The following CALCR variants were observed in gnomAD, a reference collection of about 807,000 sequenced individuals.
The protein encoded by CALCR is calcitonin receptor.
CALCR carries 47 observed loss-of-function variants against 59.5 expected under a neutral mutation model. The ratio of observed to expected loss-of-function variants is 0.79; its 90% CI spans 0.63 to 1.01. The LOEUF (loss-of-function observed/expected upper bound fraction) is 1.01, where lower values mean the gene tolerates loss of function less well. Among genes scored for constraint, CALCR ranks in the 50% least tolerant of loss-of-function variants. CALCR has a pLI of 0.00. For synonymous variants in CALCR, 213 were observed against 211.3 expected, an observed-to-expected ratio of 1.01 and a Z score of -0.07; for missense variants, 566 against 597.1, an observed-to-expected ratio of 0.95 and a Z score of 0.54.
intron 2 of CALCR, among the ~76,000 whole-genome samples, chr7:93,531,820 C>G (rs1788847861): frequency 6.6e-6 from 1 of 151,900 alleles, no homozygotes; most frequent in South Asian, 2.1e-4. Context: ...AAATCTTAAT[C>G]AAAATTCAAT....
At chr7:93,543,478 C>T (rs1273458604) in intron 2 of CALCR, among the ~76,000 whole-genome samples, 4 of 151,998 alleles carry the variant, frequency 2.6e-5, no homozygotes, top group Non-Finnish European at 5.9e-5. Flanking sequence ...ACTGGCAGTG[C>T]AGTAGGTTCA....
intron 11 of CALCR, 25 bp from the exon 12 acceptor site, chr7:93,436,195 A>C: frequency 6.4e-7 from 1 of 1,571,380 alleles, no homozygotes; most frequent in Non-Finnish European, 8.8e-7. Context: ...TGTTATGAGC[A>C]AATCATACAG....
intron 8 of CALCR, among the ~76,000 whole-genome samples, chr7:93,455,354 T>C (rs1284883094): frequency 6.6e-6 from 1 of 151,978 alleles, no homozygotes; most frequent in Non-Finnish European, 1.5e-5. Context: ...TATTTGTAGG[T>C]TGACAATGTT....
At chr7:93,478,458 T>C (rs74846928) in intron 4 of CALCR, among the ~76,000 whole-genome samples, 4,077 of 151,678 alleles carry the variant, frequency 0.027, 185 homozygotes, top group African/African-American at 0.091. Flanking sequence ...TCCTAGCACT[T>C]TGGGAACCTC....
At position 93,439,321 on chromosome 7, in the gene CALCR, C is replaced by T. The variant is rs572738640; in HGVS notation, c.803-1051G>A. 2.6e-5 allele frequency among the ~76,000 whole-genome samples: 4 copies of T among 152,260 alleles called. No homozygotes were observed. In the South Asian group the frequency reaches 6.2e-4, roughly 24 times the overall value. On this transcript the variant is annotated intron_variant, in intron 9 of 13. Transcript: ENST00000426151. The stretch of plus-strand genomic sequence containing the variant: ...TGAAATAATTTTGAGTTTGCTTATA[C>T]AAAACATGATTGTGTTATTCACAGC...
Position 93,426,526 on chromosome 7 carries a change from T to A in CALCR, c.1255A>T (p.Arg419Trp). ...FKIQWNQRWG[R>W]RPSNRSARAA... is the part of the protein sequence containing the mutation. ...CGAGCAGAGCGGTTGGAGGGGCGCC[T>A]CCCCCAACGCTGGTTCCACTGAATT... Residue 419 changes from arginine to tryptophan, a missense_variant, in exon 14 of 14, where the codon AGG becomes TGG. Physicochemically the swap from Arg to Trp is moderately radical, Grantham distance 101. Coordinates refer to ENST00000426151, the MANE Select transcript of CALCR (RefSeq NM_001742.4). The A allele has an allele frequency of 6.2e-7, 1 of 1,613,116 alleles. No homozygotes were observed.
At chr7:93,553,584 A>T (rs944231538) in intron 2 of CALCR, among the ~76,000 whole-genome samples, 1 of 152,074 alleles carries the variant, frequency 6.6e-6, no homozygotes, top group Non-Finnish European at 1.5e-5. Flanking sequence ...AGCTCTGCTC[A>T]TTATTAGCTG....
intron 2 of CALCR, among the ~76,000 whole-genome samples, chr7:93,514,340 C>T (rs1343132840): frequency 6.6e-6 from 1 of 151,928 alleles, no homozygotes; most frequent in Non-Finnish European, 1.5e-5. Flanking sequence ...TATTTAGAGT[C>T]TTTAAACATT....
At chr7:93,427,598 C>T (rs575652653) in intron 13 of CALCR, among the ~76,000 whole-genome samples, 123 of 152,222 alleles carry the variant, frequency 8.1e-4, no homozygotes, top group Non-Finnish European at 1.4e-3. Flanking sequence ...ATAATGTGAA[C>T]TAAATCATGT....
At chr7:93,517,611 C>G (rs976225951) in intron 2 of CALCR, among the ~76,000 whole-genome samples, 1 of 151,810 alleles carries the variant, frequency 6.6e-6, no homozygotes, top group Admixed American at 6.6e-5. Context: ...AAAAACAAAA[C>G]TTTAATTATT....
At chr7:93,467,488 C>T (rs1800464097) in intron 7 of CALCR, among the ~76,000 whole-genome samples, 2 of 151,586 alleles carry the variant, frequency 1.3e-5, no homozygotes, top group Admixed American at 6.6e-5. Context: ...TGATTATTCT[C>T]CCCTTGGTTT....
chr7:93,475,140 G>A (rs1800640597), intron 5 of CALCR, among the ~76,000 whole-genome samples: 1 of 151,684 alleles, frequency 6.6e-6, no homozygotes, highest in Non-Finnish European at 1.5e-5. Flanking sequence ...GACCAAAACA[G>A]GTCTTATTGA....
chr7:93,472,577 A>G (rs1048612152), intron 5 of CALCR, 90 bp from the exon 6 acceptor site: 1 of 749,142 alleles, frequency 1.3e-6, no homozygotes, highest in Admixed American at 2.1e-5. Context: ...CCATTCCAAC[A>G]TATTAATCAC....
chr7:93,527,661 CCA>C (rs1788704806), intron 2 of CALCR, among the ~76,000 whole-genome samples: 1 of 151,960 alleles, frequency 6.6e-6, no homozygotes, highest in Non-Finnish European at 1.5e-5. Context: ...TAAATTTTGC[CCA>C]CTTCAAAATG....
In CALCR at chr7:93,424,955, A is replaced by ACTT. The variant is rs1799492532; in HGVS notation, c.*1398_*1400dup. On this transcript the variant is annotated 3_prime_UTR_variant, in exon 14 of 14. Transcript: ENST00000426151. Reference sequence around the variant, plus strand: ...TTTATTATCTTTCCACAACTAAATCACTTCTGAAAGGCAGTGGCAAAATAT... The same window carrying ACTT: ...TTTATTATCTTTCCACAACTAAATCACTTCTTCTGAAAGGCAGTGGCAAAATAT... The ACTT allele has an allele frequency of 6.6e-6, 1 of 152,598 alleles. No individual in the cohort carries two copies. The highest frequency in any genetic ancestry group is 2.1e-4 in the South Asian group (1 of 4,832). 9.5% of individuals were successfully genotyped at this position (152,598 alleles called of 1,614,324 possible).
intron 8 of CALCR, among the ~76,000 whole-genome samples, chr7:93,447,418 G>A (rs1438858511): frequency 2.0e-5 from 3 of 151,988 alleles, no homozygotes; most frequent in Non-Finnish European, 4.4e-5. Flanking sequence ...AGCAAAGAGT[G>A]CCTCCAAATG....
intron 3 of CALCR, chr7:93,484,053 G>GT (rs746957293): frequency 2.8e-5 from 14 of 492,532 alleles, no homozygotes; most frequent in East Asian, 5.8e-5. Context: ...AACATCATCA[G>GT]TTTTTTTCAG....
At chr7:93,569,136 T>C (rs1347316745) in intron 2 of CALCR, among the ~76,000 whole-genome samples, 1 of 151,950 alleles carries the variant, frequency 6.6e-6, no homozygotes, top group Non-Finnish European at 1.5e-5. Flanking sequence ...CCTCTGTCAC[T>C]GCAGTAAGGC....
At position 93,478,636 on chromosome 7, in the gene CALCR, A is replaced by AATAT. The variant is rs10543619; in HGVS notation, c.205+714_205+717dup. On this transcript the variant is annotated intron_variant, in intron 4 of 13. Transcript: ENST00000426151. ...GGCGAGAGAGTGAGACCCTGTCTTA[A>AATAT]ATATATATATATATATATATATATA... 8.1e-3 allele frequency among the ~76,000 whole-genome samples: 1,194 copies of AATAT among 147,548 alleles called. 47 individuals are homozygous for AATAT. The highest frequency in any genetic ancestry group is 0.063 in the Admixed American group (924 of 14,578).
Sources: gnomAD v4.1 joint callset for allele counts (sites outside exome capture counted in the v4.1 genomes callset) on GRCh38, gnomAD v4.1.1 for gene constraint, MANE v1.5 for transcripts, NCBI Gene and HGNC (gene_info 2026-07-23, HGNC 2026-07-21) for gene names.